NFIB: variants seen among roughly 807,000 people sequenced by gnomAD.
NFIB encodes the protein nuclear factor 1 B-type.
NFIB carries 11 observed loss-of-function variants against 61.5 expected under a neutral mutation model. The observed-to-expected ratio is 0.18, with a 90% CI of 0.11 to 0.30. The LOEUF (loss-of-function observed/expected upper bound fraction) is 0.30, where lower values mean the gene tolerates loss of function less well. Ranked by LOEUF, NFIB falls within the 10% of genes least tolerant of loss-of-function variation. The probability of loss-of-function intolerance (pLI) is 1.00; values close to 1 mark genes in which losing one functional copy is unlikely to be tolerated. For missense variants in NFIB, 471 were observed against 608.9 expected (o/e 0.77, Z 2.38); for synonymous variants, 260 against 216.5 (o/e 1.20, Z -1.76).
At chr9:14,450,866 T>A in the NFIB span, among the ~76,000 whole-genome samples, 3 of 152,236 alleles carry the variant, frequency 2.0e-5, no homozygotes, top group Non-Finnish European at 4.4e-5. Flanking sequence ...TTTTAAAACA[T>A]TGAAGAAAAT....
At chr9:14,476,289 C>T in the NFIB span, among the ~76,000 whole-genome samples, 1 of 147,294 alleles carries the variant, frequency 6.8e-6, no homozygotes, top group African/African-American at 2.5e-5. Context: ...GGGAAAAACA[C>T]TCAATTTTAG....
chr9:14,446,619 T>G, the NFIB span, among the ~76,000 whole-genome samples: 5 of 152,302 alleles, frequency 3.3e-5, no homozygotes, highest in South Asian at 1.0e-3. Context: ...TATAATAATA[T>G]GACTTGAAAA....
chr9:14,509,204 T>C, the NFIB span, among the ~76,000 whole-genome samples: 3 of 152,326 alleles, frequency 2.0e-5, no homozygotes, highest in South Asian at 2.1e-4. Flanking sequence ...GTTTCTACTA[T>C]AGGAATAAAT....
chr9:14,221,509 C>T (rs959537044), intron 2 of NFIB, among the ~76,000 whole-genome samples: 11 of 152,246 alleles, frequency 7.2e-5, no homozygotes, highest in African/African-American at 2.4e-4. Flanking sequence ...GTATGTTTCC[C>T]GAAGTCACAC....
the NFIB span, among the ~76,000 whole-genome samples, chr9:14,413,976 C>T: frequency 6.6e-6 from 1 of 152,102 alleles, no homozygotes; most frequent in African/African-American, 2.4e-5. Context: ...AGGGTTTGAA[C>T]GTCTCAATTT....
At position 14,184,965 on chromosome 9, in the gene NFIB, G is replaced by A. The variant is rs957911247; in HGVS notation, c.563-5185C>T. Among the ~76,000 whole-genome samples the A allele has an allele frequency of 6.6e-5, 10 of 152,190 alleles. No individual in the cohort carries two copies. In the East Asian group the frequency reaches 1.9e-3, roughly 29 times the overall value. On this transcript the variant is annotated intron_variant, in intron 2 of 10. Transcript: ENST00000380953. The stretch of plus-strand genomic sequence containing the variant: ...TTGGACCTGGGAGGTGGAGGTTGCA[G>A]TGAGCCAAGATCGGCTCATGTATTC...
At chr9:14,224,432 CCTAT>C (rs1345441552) in intron 2 of NFIB, among the ~76,000 whole-genome samples, 2 of 152,110 alleles carry the variant, frequency 1.3e-5, no homozygotes, top group African/African-American at 2.4e-5. Flanking sequence ...GATGTTCTGC[CCTAT>C]CTTAGTCTCT....
chr9:14,241,620 C>T (rs1228584645), intron 2 of NFIB, among the ~76,000 whole-genome samples: 1 of 152,092 alleles, frequency 6.6e-6, no homozygotes, highest in Non-Finnish European at 1.5e-5. Flanking sequence ...CACCTTTCTT[C>T]AAGAAACTTT....
intron 2 of NFIB, among the ~76,000 whole-genome samples, chr9:14,273,915 G>T (rs563581478): frequency 3.2e-4 from 48 of 152,250 alleles, no homozygotes; most frequent in African/African-American, 1.1e-3. Flanking sequence ...ACAACATAAT[G>T]TGACACTCAC....
At chr9:14,410,508 A>G in the NFIB span, among the ~76,000 whole-genome samples, 2 of 152,230 alleles carry the variant, frequency 1.3e-5, no homozygotes. Flanking sequence ...TCATCAGAGC[A>G]TGATTACCTT....
rs1267111445 is a variant in NFIB, at chr9:14,313,919, G to C, written c.-408C>G. On this transcript the variant is annotated 5_prime_UTR_variant, in exon 1 of 11. Transcript: ENST00000380953. The surrounding 1 kb of genome is among the most constrained non-coding windows in gnomAD (Gnocchi z 4.5). ...GTGGGTTGGATTGGGGTGGTGGTTGGTGGTAAAATGCTTTTTCAAAAAAGG... is the reference window on the plus strand; with the variant it reads ...GTGGGTTGGATTGGGGTGGTGGTTGCTGGTAAAATGCTTTTTCAAAAAAGG... The C allele has an allele frequency of 2.0e-6, 2 of 999,556 alleles. No homozygotes were observed. Among genetic ancestry groups the C allele is most frequent in the Non-Finnish European group, 2.4e-6 (2 of 841,916 alleles). 61.9% of individuals were successfully genotyped at this position (999,556 alleles called of 1,614,324 possible). A position where few individuals can be genotyped will look rare whatever the true frequency, so the allele number is the denominator to read the frequency against.
At chr9:14,206,662 T>C (rs940490619) in intron 2 of NFIB, among the ~76,000 whole-genome samples, 1 of 119,134 alleles carries the variant, frequency 8.4e-6, no homozygotes, top group Admixed American at 1.2e-4. Context: ...TGCTATCATA[T>C]ACAGAGTTAT....
At chr9:14,388,138 T>A (rs1296069997) in intron 1 of NFIB, among the ~76,000 whole-genome samples, 1 of 152,148 alleles carries the variant, frequency 6.6e-6, no homozygotes, top group African/African-American at 2.4e-5. Flanking sequence ...TGCATAAAAG[T>A]ATTATAGGAT....
chr9:14,482,076 C>G, the NFIB span, among the ~76,000 whole-genome samples: 1 of 141,112 alleles, frequency 7.1e-6, no homozygotes, highest in Non-Finnish European at 1.5e-5. Context: ...CACCCCCCCA[C>G]CCCAAATGAC....
intron 1 of NFIB, among the ~76,000 whole-genome samples, chr9:14,337,314 GAAGC>G (rs2060896468): frequency 6.6e-6 from 1 of 152,144 alleles, no homozygotes; most frequent in South Asian, 2.1e-4. Flanking sequence ...TTGAAAGAAA[GAAGC>G]AAGTCATAAA....
At chr9:14,197,343 T>C (rs2048581430) in intron 2 of NFIB, among the ~76,000 whole-genome samples, 1 of 136,096 alleles carries the variant, frequency 7.3e-6, no homozygotes, top group South Asian at 2.7e-4. Context: ...ATTAGAACAA[T>C]GAATCTGATA....
chr9:14,141,902 C>CAA (rs1207435536), intron 6 of NFIB, among the ~76,000 whole-genome samples: 2,746 of 51,018 alleles, frequency 0.054, 116 homozygotes, highest in East Asian at 0.24. Context: ...CTGCTGCTCA[C>CAA]AAAAAAAAAA....
chr9:14,137,846 G>A (rs937669509), intron 6 of NFIB, among the ~76,000 whole-genome samples: 1 of 152,034 alleles, frequency 6.6e-6, no homozygotes, highest in African/African-American at 2.4e-5. Context: ...ATGGAAAAGT[G>A]ATTTTAACCT....
exon 1 of NFIB, chr9:14,398,636 C>G (rs200083777): frequency 6.0e-5 from 91 of 1,522,480 alleles, no homozygotes; most frequent in Non-Finnish European, 7.8e-5. Context: ...TTCCATACTC[C>G]GAACGGATTC....
Sources: allele counts gnomAD v4.1 joint callset (sites outside exome capture counted in the v4.1 genomes callset), GRCh38; gene constraint gnomAD v4.1.1; non-coding constraint Gnocchi (gnomAD v3.1); transcripts MANE v1.5; gene names NCBI Gene and HGNC (gene_info 2026-07-23, HGNC 2026-07-21).